The following ADGRG2 variants were observed in gnomAD, a reference collection of about 807,000 sequenced individuals.
ADGRG2 encodes the protein G protein-coupled receptor 64.
A neutral mutation model predicts 74.1 loss-of-function variants in ADGRG2; 26 were observed. That is an observed-to-expected ratio of 0.35 (90% CI 0.26 to 0.49). The LOEUF is 0.49. Among genes scored for constraint, ADGRG2 ranks in the 20% least tolerant of loss-of-function variants. ADGRG2 has a pLI of 0.99. For synonymous variants in ADGRG2, 296 were observed against 295.2 expected, an observed-to-expected ratio of 1.00 and a Z score of -0.03; for missense variants, 619 against 763.1, an observed-to-expected ratio of 0.81 and a Z score of 2.22.
chrX:19,000,286 C>T (rs934776077), intron 24 of ADGRG2, among the ~76,000 whole-genome samples: 3 of 111,721 alleles, frequency 2.7e-5, no homozygotes, highest in Admixed American at 9.5e-5. Context: ...CGTGAGCCAC[C>T]GCACCCGGCT....
At chrX:19,097,464 T>C (rs182310148) in intron 1 of ADGRG2, among the ~76,000 whole-genome samples, 8 of 112,350 alleles carry the variant, frequency 7.1e-5, no homozygotes, top group South Asian at 7.4e-4. Context: ...TGAACCGAGA[T>C]AGCGCCACTG....
chrX:19,048,295 G>A (rs2061238005), intron 3 of ADGRG2, among the ~76,000 whole-genome samples: 1 of 112,388 alleles, frequency 8.9e-6, no homozygotes, highest in Non-Finnish European at 1.9e-5. Context: ...CCCCCAAAGG[G>A]GGTCTATCTT....
chrX:19,008,685 G>A (rs1304873806), intron 18 of ADGRG2, among the ~76,000 whole-genome samples: 1 of 110,451 alleles, frequency 9.1e-6, no homozygotes, highest in Non-Finnish European at 1.9e-5. Flanking sequence ...GAAAAAAAAG[G>A]AAGTGTAATA....
chrX:19,054,052 G>C (rs1444641841), intron 3 of ADGRG2, among the ~76,000 whole-genome samples: 1 of 112,050 alleles, frequency 8.9e-6, no homozygotes, highest in Non-Finnish European at 1.9e-5. Flanking sequence ...TTCAAGATGA[G>C]ATTTGGGTGG....
rs2060314258 is a variant in ADGRG2, at chrX:19,009,732, G to A, written c.1316C>T (p.Thr439Met). 5.8e-6 allele frequency: 7 copies of A among 1,201,822 alleles called. No individual in the cohort carries two copies. In the East Asian group the frequency reaches 8.9e-5, roughly 15 times the overall value. The change falls in exon 18 of 29, where the codon ACG (threonine) becomes ATG (methionine). Residue 439 changes from threonine to methionine, a missense_variant. Thr to Met is a moderately conservative substitution (Grantham distance 81, BLOSUM62 -1). Around this residue, in one of 3 missense-constraint regions of ADGRG2, gnomAD observed 221 missense variants for 340.6 expected, o/e 0.65. Transcript: ENST00000379869. ...DIGLQLNFSN[T>M]TISLTSPSLA... is the part of the protein sequence containing the mutation. ...AGAAGGGGAGGTTAGACTTATAGTC[G>A]TGTTTGAAAAGTTCAGCTGTAGGCC... is the stretch of plus-strand genomic sequence containing the variant.
chrX:19,052,946 C>T (rs754579372), intron 3 of ADGRG2, among the ~76,000 whole-genome samples: 24 of 111,627 alleles, frequency 2.2e-4, no homozygotes, highest in Non-Finnish European at 3.6e-4. Context: ...CCGCTTGCCT[C>T]GGCCTCCCAA....
At chrX:19,068,875 C>A in intron 2 of ADGRG2, 40 bp from the exon 3 acceptor site, 1 of 661,758 alleles carries the variant, frequency 1.5e-6, no homozygotes, top group Non-Finnish European at 2.4e-6. Context: ...TCACAGCTGC[C>A]ATAATCACAA....
chrX:19,047,920 C>G lies in ADGRG2; in HGVS notation c.119-7696G>C, dbSNP rs750806551. ...GGACACTGCTCAATAAGTACTCTTA[C>G]ATAATGTATTTATTAAATGATTAAT... On this transcript the variant is annotated intron_variant, in intron 3 of 28. Transcript: ENST00000379869. Among the ~76,000 whole-genome samples, 4 of 111,668 alleles carry G rather than the reference C, an allele frequency of 3.6e-5. No individual in the cohort carries two copies. The South Asian group carries it at 1.5e-3, about 43-fold the overall frequency.
At chrX:18,996,026 G>A (rs1209380304) in intron 27 of ADGRG2, 25 bp downstream of exon 27, 2 of 764,700 alleles carry the variant, frequency 2.6e-6, no homozygotes, top group South Asian at 2.2e-5. Flanking sequence ...TTAAGAGGAA[G>A]AGAAAAAGTG....
chrX:19,019,675 A>G lies in ADGRG2; in HGVS notation c.644-10T>C, dbSNP rs771950553. ...GAACAGCAGCAGTGTTCTAGGAGAG[A>G]CAAAAGGAAAAGGAGTAAGAAAAAT... On this transcript the variant is annotated splice_polypyrimidine_tract_variant and intron_variant, in intron 14 of 28. Coordinates refer to ENST00000379869, the MANE Select transcript of ADGRG2 (RefSeq NM_001079858.3). The G allele has an allele frequency of 1.7e-5, 19 of 1,089,645 alleles. No homozygotes were observed. The highest frequency in any genetic ancestry group is 2.4e-5 in the Non-Finnish European group (19 of 788,510). The allele number at this position is 1,089,645 out of a possible 1,213,427, so 89.8% of individuals were successfully genotyped here.
intron 2 of ADGRG2, among the ~76,000 whole-genome samples, chrX:19,078,074 G>A (rs924103809): frequency 8.9e-5 from 10 of 112,183 alleles, no homozygotes; most frequent in African/African-American, 2.9e-4. Flanking sequence ...ATCTTTTCAA[G>A]AGCACATGGA....
At chrX:19,077,119 TATTC>T (rs1227169223) in intron 2 of ADGRG2, among the ~76,000 whole-genome samples, 1 of 110,746 alleles carries the variant, frequency 9.0e-6, no homozygotes, top group East Asian at 2.8e-4. Flanking sequence ...GTTTCTAACA[TATTC>T]AGTCAGTCTG....
chrX:19,103,993 G>C (rs2062234593), intron 1 of ADGRG2, among the ~76,000 whole-genome samples: 1 of 111,731 alleles, frequency 9.0e-6, no homozygotes, highest in Non-Finnish European at 1.9e-5. Context: ...AATGCACTAA[G>C]AGGCATAGAT....
intron 2 of ADGRG2, among the ~76,000 whole-genome samples, chrX:19,081,753 T>C (rs1273384151): frequency 8.9e-6 from 1 of 111,794 alleles, no homozygotes; most frequent in African/African-American, 3.3e-5. Flanking sequence ...TGTCAATGAA[T>C]TCCCAGAAAT....
At chrX:19,036,961 C>A (rs769245950) in intron 6 of ADGRG2, among the ~76,000 whole-genome samples, 2 of 111,390 alleles carry the variant, frequency 1.8e-5, no homozygotes, top group African/African-American at 6.5e-5. Flanking sequence ...GCTCTGCCCC[C>A]TTCCCTTGAA....
At chrX:19,060,219 C>T (rs1176792297) in intron 3 of ADGRG2, among the ~76,000 whole-genome samples, 2 of 112,680 alleles carry the variant, frequency 1.8e-5, no homozygotes, top group Non-Finnish European at 3.7e-5. Flanking sequence ...GCAACGATAA[C>T]TTGGGGGATT....
At chrX:19,105,693 C>T (rs1352137354) in intron 1 of ADGRG2, among the ~76,000 whole-genome samples, 3 of 110,624 alleles carry the variant, frequency 2.7e-5, no homozygotes, top group Non-Finnish European at 5.7e-5. Flanking sequence ...CAAACCTGCA[C>T]GTTCTGCACA....
intron 3 of ADGRG2, among the ~76,000 whole-genome samples, chrX:19,043,303 G>A (rs756051599): frequency 1.1e-4 from 12 of 111,105 alleles, no homozygotes; most frequent in Non-Finnish European, 2.1e-4. Context: ...ACACTTTTCT[G>A]AGGATCAGCT....
chrX:19,080,727 G>A (rs1462645398), intron 2 of ADGRG2, among the ~76,000 whole-genome samples: 2 of 109,992 alleles, frequency 1.8e-5, no homozygotes, highest in African/African-American at 3.3e-5. Flanking sequence ...ACAGGGTCTT[G>A]CTCTGTCACC....
Sources: allele counts gnomAD v4.1 joint callset (sites outside exome capture counted in the v4.1 genomes callset), GRCh38; gene constraint gnomAD v4.1.1; regional missense constraint gnomAD v4.1.1; transcripts MANE v1.5; gene names NCBI Gene and HGNC (gene_info 2026-07-23, HGNC 2026-07-21).